ZBTB8OS: variants seen among roughly 807,000 people sequenced by gnomAD.
ZBTB8OS encodes tRNA-splicing ligase-activating factor archease.
A neutral mutation model predicts 29.3 loss-of-function variants in ZBTB8OS; 16 were observed. The observed-to-expected ratio is 0.55, with a 90% CI of 0.37 to 0.83. The LOEUF is 0.83. ZBTB8OS is among the 40% of genes least tolerant of loss of function. The pLI, the probability that ZBTB8OS is intolerant of heterozygous loss-of-function variation, is 0.00. For missense variants in ZBTB8OS, 160 were observed against 196.9 expected (o/e 0.81, Z 1.12); for synonymous variants, 70 against 64.6 (o/e 1.08, Z -0.40).
At chr1:32,626,844 T>A (rs184763018) in intron 6 of ZBTB8OS, among the ~76,000 whole-genome samples, 17 of 152,306 alleles carry the variant, frequency 1.1e-4, no homozygotes, top group Non-Finnish European at 2.4e-4. Context: ...CCACCATGCC[T>A]GCCCTGATTT....
chr1:32,627,576 TTTG>T, intron 5 of ZBTB8OS, 32 bp from the exon 6 acceptor site: 1 of 1,603,378 alleles, frequency 6.2e-7, no homozygotes, highest in East Asian at 2.2e-5. Context: ...ATGATTAAGA[TTTG>T]TTCTCTCTTT....
At chr1:32,639,702 G>A (rs953133855) in intron 1 of ZBTB8OS, among the ~76,000 whole-genome samples, 7 of 152,056 alleles carry the variant, frequency 4.6e-5, no homozygotes, top group African/African-American at 1.7e-4. Context: ...GGGCTGCAGT[G>A]AGCTAAGAGT....
chr1:32,639,117 G>A (rs1209404000), intron 1 of ZBTB8OS, among the ~76,000 whole-genome samples: 1 of 151,832 alleles, frequency 6.6e-6, no homozygotes, highest in African/African-American at 2.4e-5. Flanking sequence ...GGCCAACATG[G>A]TGAAACTCCA....
intron 6 of ZBTB8OS, among the ~76,000 whole-genome samples, chr1:32,624,634 C>CTG (rs1240363006): frequency 6.6e-6 from 1 of 152,172 alleles, no homozygotes; most frequent in African/African-American, 2.4e-5. Flanking sequence ...TGGCTCATGC[C>CTG]TGTAATCTCA....
intron 5 of ZBTB8OS, 94 bp from the exon 6 acceptor site, chr1:32,627,638 CAA>C (rs1424108674): frequency 1.7e-6 from 2 of 1,199,494 alleles, no homozygotes; most frequent in Admixed American, 1.9e-5. Flanking sequence ...GCTAGAAAGC[CAA>C]AAGAGACAGG....
intron 6 of ZBTB8OS, among the ~76,000 whole-genome samples, chr1:32,625,708 A>C (rs75117554): frequency 0.068 from 10,352 of 152,236 alleles, 1,167 homozygotes; most frequent in African/African-American, 0.23. Flanking sequence ...ACTGTCTCAC[A>C]TAAACAAAAA....
At chr1:32,643,102 C>T (rs1405487627) in intron 1 of ZBTB8OS, among the ~76,000 whole-genome samples, 1 of 127,098 alleles carries the variant, frequency 7.9e-6, no homozygotes. Flanking sequence ...TAGAGTTTCG[C>T]TCTTGTTTCC....
chr1:32,635,192 A>G (rs1283819098), intron 1 of ZBTB8OS, among the ~76,000 whole-genome samples: 2 of 152,168 alleles, frequency 1.3e-5, no homozygotes, highest in Non-Finnish European at 2.9e-5. Flanking sequence ...ATATTCCCAC[A>G]GGAAAACCAG....
chr1:32,642,515 G>GAAAA (rs1007951863), intron 1 of ZBTB8OS, among the ~76,000 whole-genome samples: 1 of 147,150 alleles, frequency 6.8e-6, no homozygotes, highest in Non-Finnish European at 1.5e-5. Flanking sequence ...AAAAAAAAAA[G>GAAAA]AAAAAAAAAG....
intron 1 of ZBTB8OS, among the ~76,000 whole-genome samples, chr1:32,636,818 A>G (rs1045068694): frequency 6.6e-6 from 1 of 152,022 alleles, no homozygotes; most frequent in African/African-American, 2.4e-5. Flanking sequence ...TGTTTGTTCT[A>G]GCAAACACCT....
At chr1:32,637,891 T>C (rs1202229635) in intron 1 of ZBTB8OS, among the ~76,000 whole-genome samples, 1 of 152,164 alleles carries the variant, frequency 6.6e-6, no homozygotes, top group Non-Finnish European at 1.5e-5. Flanking sequence ...TGGAGTGCAG[T>C]GGAGTGATCT....
intron 1 of ZBTB8OS, among the ~76,000 whole-genome samples, chr1:32,636,292 A>C (rs182422832): frequency 0.01 from 1,577 of 152,336 alleles, 120 homozygotes; most frequent in Admixed American, 0.098. Context: ...AAGCACAACC[A>C]GCTCTGCGTA....
At chr1:32,649,454 T>C (rs1336378203) in intron 1 of ZBTB8OS, among the ~76,000 whole-genome samples, 1 of 152,108 alleles carries the variant, frequency 6.6e-6, no homozygotes, top group Non-Finnish European at 1.5e-5. Flanking sequence ...AAACCACAGC[T>C]ACCTTTAGGG....
intron 5 of ZBTB8OS, among the ~76,000 whole-genome samples, chr1:32,630,248 C>T (rs1001378153): frequency 1.3e-5 from 2 of 152,040 alleles, no homozygotes; most frequent in African/African-American, 4.8e-5. Flanking sequence ...TGAGATTAGC[C>T]AGGCATGGTG....
chr1:32,646,320 A>G (rs928706151), intron 1 of ZBTB8OS, among the ~76,000 whole-genome samples: 1 of 151,850 alleles, frequency 6.6e-6, no homozygotes, highest in Non-Finnish European at 1.5e-5. Context: ...AGACTGTCTC[A>G]GGGAAAAAAA....
chr1:32,632,757 G>A (rs751063911), intron 4 of ZBTB8OS, among the ~76,000 whole-genome samples: 1 of 152,160 alleles, frequency 6.6e-6, no homozygotes, highest in Non-Finnish European at 1.5e-5. Context: ...ATATGGTAGA[G>A]AACTACTCTG....
intron 1 of ZBTB8OS, among the ~76,000 whole-genome samples, chr1:32,645,984 A>G (rs1311977095): frequency 1.3e-5 from 2 of 152,198 alleles, no homozygotes; most frequent in African/African-American, 4.8e-5. Context: ...AAATTCACTT[A>G]TGACACGGGC....
chr1:32,646,295 T>C (rs1646822225), intron 1 of ZBTB8OS, among the ~76,000 whole-genome samples: 2 of 151,994 alleles, frequency 1.3e-5, no homozygotes, highest in African/African-American at 4.8e-5. Context: ...CTACTCCAGC[T>C]TGGGTGACAG....
At position 32,643,641 on chromosome 1, in the gene ZBTB8OS, G is replaced by A. The variant is rs192113820; in HGVS notation, c.97+6792C>T. Among the ~76,000 whole-genome samples the A allele has an allele frequency of 8.9e-3, 1,347 of 151,464 alleles. 83 individuals carry two copies. Among genetic ancestry groups the A allele is most frequent in the Admixed American group, 0.08 (1,221 of 15,176 alleles). On this transcript the variant is annotated intron_variant, in intron 1 of 6. Coordinates refer to ENST00000468695, the MANE Select transcript of ZBTB8OS (RefSeq NM_178547.5). ...CTCCCGAGTAGCTACGACTACAGGC[G>A]TGCACCACCACACTGGGCTAATTTT...
Sources: allele counts gnomAD v4.1 joint callset (sites outside exome capture counted in the v4.1 genomes callset), GRCh38; gene constraint gnomAD v4.1.1; transcripts MANE v1.5; gene names NCBI Gene and HGNC (gene_info 2026-07-23, HGNC 2026-07-21).